The following TRIO variants were observed in gnomAD, a reference collection of about 807,000 sequenced individuals.
The protein encoded by TRIO is triple functional domain protein.
A neutral mutation model predicts 351.9 loss-of-function variants in TRIO; 58 were observed. The observed-to-expected ratio is 0.16, with a 90% confidence interval of 0.13 to 0.21. The LOEUF (loss-of-function observed/expected upper bound fraction) is 0.21. Among genes scored for constraint, TRIO ranks in the 10% least tolerant of loss-of-function variants. The pLI is 1.00. For missense variants in TRIO, 3,201 were observed against 4,027.8 expected (o/e 0.79, Z 5.56); for synonymous variants, 1,758 against 1,595.7 (o/e 1.10, Z -2.42).
intron 1 of TRIO, among the ~76,000 whole-genome samples, chr5:14,151,539 G>A (rs953863228): frequency 1.8e-4 from 27 of 152,130 alleles, no homozygotes; most frequent in Non-Finnish European, 4.0e-4. Context: ...TATTTTCAAA[G>A]AACTCGTGTT....
chr5:14,284,376 T>G, intron 3 of TRIO, among the ~76,000 whole-genome samples: 1 of 152,176 alleles, frequency 6.6e-6, no homozygotes, highest in East Asian at 1.9e-4. Flanking sequence ...GGTTTGGGGA[T>G]GTTTACAAGT....
intron 27 of TRIO, among the ~76,000 whole-genome samples, chr5:14,393,437 C>T (rs889393185): frequency 1.3e-5 from 2 of 152,154 alleles, no homozygotes; most frequent in African/African-American, 2.4e-5. Context: ...GAAATCATGC[C>T]TGAGAGATTT....
intron 34 of TRIO, among the ~76,000 whole-genome samples, chr5:14,447,212 A>T (rs1377945103): frequency 6.6e-6 from 1 of 152,226 alleles, no homozygotes; most frequent in African/African-American, 2.4e-5. Flanking sequence ...AGCCTGGGTG[A>T]CACAGCGAGA....
intron 1 of TRIO, among the ~76,000 whole-genome samples, chr5:14,265,488 T>C (rs1012064291): frequency 1.3e-5 from 2 of 152,254 alleles, no homozygotes; most frequent in East Asian, 3.8e-4. Context: ...CTGCCAGTTA[T>C]GTAAAAATAC....
intron 1 of TRIO, among the ~76,000 whole-genome samples, chr5:14,173,190 CTTTTTTTTTTTTTT>C (rs758636385): frequency 1.1e-4 from 7 of 66,514 alleles, no homozygotes; most frequent in South Asian, 5.4e-4. Context: ...TTGTATGTTC[CTTTTTTTTTTTTTT>C]TTTTTTTTTT....
chr5:14,281,880 T>C (rs984968411), intron 3 of TRIO, among the ~76,000 whole-genome samples: 11 of 152,148 alleles, frequency 7.2e-5, no homozygotes, highest in African/African-American at 2.7e-4. Context: ...AACAGCATAA[T>C]GGGTTTCAGG....
intron 1 of TRIO, among the ~76,000 whole-genome samples, chr5:14,186,999 G>A (rs1355799357): frequency 1.3e-5 from 2 of 152,118 alleles, no homozygotes; most frequent in African/African-American, 4.8e-5. Flanking sequence ...AGTAATATTT[G>A]TGCAAATTAG....
intron 1 of TRIO, among the ~76,000 whole-genome samples, chr5:14,175,776 A>C (rs1254473563): frequency 6.6e-6 from 1 of 152,262 alleles, no homozygotes; most frequent in African/African-American, 2.4e-5. Context: ...ACATGCATTT[A>C]GTGAGAGCTC....
intron 11 of TRIO, among the ~76,000 whole-genome samples, chr5:14,354,580 T>A (rs953871825): frequency 1.3e-5 from 2 of 152,160 alleles, no homozygotes; most frequent in African/African-American, 2.4e-5. Context: ...TTGATTGGAG[T>A]GAGAGAAGAG....
intron 1 of TRIO, among the ~76,000 whole-genome samples, chr5:14,171,206 C>T (rs551050194): frequency 6.6e-6 from 1 of 152,196 alleles, no homozygotes; most frequent in South Asian, 2.1e-4. Flanking sequence ...GTTTGCATGA[C>T]CACAAAGAAC....
chr5:14,157,545 GTCTCTCTCTCTCTCCCTGTC>G (rs1788186356), intron 1 of TRIO, among the ~76,000 whole-genome samples: 3 of 115,676 alleles, frequency 2.6e-5, no homozygotes, highest in African/African-American at 1.0e-4. Flanking sequence ...CTCTCTCCCT[GTCTCTCTCTCTCTCCCTGTC>G]TCTCTCTCTC....
At chr5:14,403,627 TGTGGTGGTGAGGGTGCAG>T (rs1328147975) in intron 31 of TRIO, among the ~76,000 whole-genome samples, 23 of 25,758 alleles carry the variant, frequency 8.9e-4, no homozygotes, top group African/African-American at 2.2e-3. Context: ...GGGTGTAGGT[TGTGGTGGTGAGGGTGCAG>T]GTGGTGGTGA....
intron 34 of TRIO, among the ~76,000 whole-genome samples, chr5:14,431,239 C>T (rs1471287260): frequency 1.3e-5 from 2 of 152,182 alleles, no homozygotes; most frequent in Non-Finnish European, 2.9e-5. Flanking sequence ...GAGACGTGTT[C>T]AGGGTCTGCC....
chr5:14,413,398 C>A lies in TRIO; in HGVS notation c.4960-6380C>A, dbSNP rs562024016. 2.0e-5 allele frequency among the ~76,000 whole-genome samples: 3 copies of A among 152,304 alleles called. No homozygotes were observed. In the East Asian group the frequency reaches 5.8e-4, roughly 29 times the overall value. ...TGACCTAATATTCAAAGGGTGGGTT[C>A]ATTTATTCTCAGATATGTATTGGCC... On this transcript the variant is annotated intron_variant, in intron 33 of 56. Coordinates refer to ENST00000344204, the MANE Select transcript of TRIO (RefSeq NM_007118.4).
At chr5:14,241,070 A>C (rs1240290800) in intron 1 of TRIO, among the ~76,000 whole-genome samples, 1 of 152,182 alleles carries the variant, frequency 6.6e-6, no homozygotes, top group Non-Finnish European at 1.5e-5. Flanking sequence ...TGCTACTTTG[A>C]TTCTCTTTTT....
At chr5:14,298,099 C>T (rs1433279683) in intron 7 of TRIO, among the ~76,000 whole-genome samples, 4 of 152,088 alleles carry the variant, frequency 2.6e-5, no homozygotes, top group African/African-American at 9.7e-5. Context: ...TTTTTGGGTA[C>T]ACAGTTGACA....
chr5:14,368,814 C>G lies in TRIO; in HGVS notation c.2981C>G (p.Ser994Cys), dbSNP rs1388227601. The change falls in exon 17 of 57, where the codon TCT becomes TGT. Residue 994 changes from serine to cysteine, a missense_variant. Transcript: ENST00000344204. ...MIRDCAEKVA[S>C]HWQQLMLKME... is the part of the protein sequence containing the mutation. ...CGGGACTGCGCCGAGAAGGTGGCGT[C>G]TCACTGGCAACAGCTCATGCTCAAG... 1 of 1,614,142 alleles carries G rather than the reference C, an allele frequency of 6.2e-7. No individual in the cohort carries two copies. Among genetic ancestry groups the G allele is most frequent in the Non-Finnish European group, 8.5e-7 (1 of 1,180,040 alleles).
intron 34 of TRIO, among the ~76,000 whole-genome samples, chr5:14,436,240 G>T (rs1394495829): frequency 6.6e-6 from 1 of 152,172 alleles, no homozygotes; most frequent in Non-Finnish European, 1.5e-5. Context: ...TACATGGATG[G>T]CAGCAGGCAA....
intron 1 of TRIO, among the ~76,000 whole-genome samples, chr5:14,246,381 A>G (rs1794436963): frequency 6.6e-6 from 1 of 152,220 alleles, no homozygotes; most frequent in East Asian, 1.9e-4. Context: ...TACCAAGTCC[A>G]TGAATAAAGT....
Sources: allele counts gnomAD v4.1 joint callset (sites outside exome capture counted in the v4.1 genomes callset), GRCh38; gene constraint gnomAD v4.1.1; transcripts MANE v1.5; gene names NCBI Gene and HGNC (gene_info 2026-07-23, HGNC 2026-07-21).